ICA1: variants seen among roughly 807,000 people sequenced by gnomAD.
The protein encoded by ICA1 is 69 kDa islet cell autoantigen.
Under a neutral mutation model 71.0 loss-of-function variants are expected in ICA1, and 40 were observed. That is an observed-to-expected ratio of 0.56 (90% confidence interval 0.44 to 0.73). The LOEUF (loss-of-function observed/expected upper bound fraction) is 0.73. ICA1 is among the 30% of genes least tolerant of loss of function. ICA1 has a pLI of 0.00. For missense variants in ICA1, 578 were observed against 576.5 expected (o/e 1.00, Z -0.03); for synonymous variants, 207 against 209.5 (o/e 0.99, Z 0.10).
chr7:8,127,884 G>A lies in ICA1; in HGVS notation c.1319C>T (p.Ala440Val), dbSNP rs778279321. The change falls in exon 13 of 14, where the codon GCC becomes GTC. Residue 440 changes from alanine (A) to valine (V), a missense_variant. By Grantham distance (64) the Ala-to-Val change is moderately conservative. Coordinates refer to ENST00000402384, the MANE Select transcript of ICA1 (RefSeq NM_001136020.3). ...CCCACCTTACCTACCTTGTAGCGAG[G>A]CCTGTAAGTCTTTCATATTTTGGTC... Reference protein sequence around the residue: ...LLDQNMKDLQASLQEPAKAAS... With the variant: ...LLDQNMKDLQVSLQEPAKAAS... The A allele has an allele frequency of 6.2e-7, 1 of 1,613,342 alleles. No individual in the cohort carries two copies. The highest frequency in any genetic ancestry group is 8.5e-7 in the Non-Finnish European group (1 of 1,179,584).
At chr7:8,204,304 T>C (rs910396171) in intron 6 of ICA1, among the ~76,000 whole-genome samples, 2 of 152,232 alleles carry the variant, frequency 1.3e-5, no homozygotes, top group Admixed American at 6.5e-5. Flanking sequence ...GCACTGACTC[T>C]AGAGTCAGAG....
chr7:8,253,051 C>G (rs939387361), intron 1 of ICA1, among the ~76,000 whole-genome samples: 1 of 152,112 alleles, frequency 6.6e-6, no homozygotes, highest in Non-Finnish European at 1.5e-5. Flanking sequence ...AAATATTTTA[C>G]TACTAGAATG....
chr7:8,238,912 A>G (rs2128480664), intron 1 of ICA1, among the ~76,000 whole-genome samples: 1 of 152,328 alleles, frequency 6.6e-6, no homozygotes, highest in East Asian at 1.9e-4. Context: ...CATCTCTGAG[A>G]ATGATTCTGG....
At chr7:8,201,221 T>C (rs1789554432) in intron 6 of ICA1, among the ~76,000 whole-genome samples, 1 of 152,184 alleles carries the variant, frequency 6.6e-6, no homozygotes, top group African/African-American at 2.4e-5. Context: ...AGTTGTACTC[T>C]CCAGCTTCTG....
At position 8,195,977 on chromosome 7, in the gene ICA1, C is replaced by CACA. The variant is rs202049966; in HGVS notation, c.579+22325_579+22327dup. ...TGGGCAACAGAGTGAGGCTCCGTCT[C>CACA]ACAACAACAACAACAACAACAACAC... On this transcript the variant is annotated intron_variant, in intron 6 of 13. Coordinates refer to ENST00000402384, the MANE Select transcript of ICA1 (RefSeq NM_001136020.3). Among the ~76,000 whole-genome samples the CACA allele has an allele frequency of 1.6e-3, 202 of 129,302 alleles. 2 individuals are homozygous for CACA. Among genetic ancestry groups the CACA allele is most frequent in the East Asian group, 6.9e-4 (3 of 4,320 alleles). 84.8% of individuals were successfully genotyped at this position (129,302 alleles called of 152,430 possible). A position where few individuals can be genotyped will look rare whatever the true frequency, so the allele number is the denominator to read the frequency against.
Position 8,138,900 on chromosome 7 carries a change from A to T in ICA1, c.1019-19T>A, listed in dbSNP as rs1794266256. The T allele has an allele frequency of 6.2e-7, 1 of 1,604,060 alleles. No individual in the cohort carries two copies. ...ATGGGTCCTTTAGAGAAGAGGAAAG[A>T]AAACAAAATTATAAGTCAGTTTCAT... On this transcript the variant is annotated intron_variant, in intron 11 of 13. Coordinates refer to ENST00000402384, the MANE Select transcript of ICA1 (RefSeq NM_001136020.3).
chr7:8,145,874 G>A (rs376946636), intron 8 of ICA1, among the ~76,000 whole-genome samples: 8 of 151,664 alleles, frequency 5.3e-5, no homozygotes, highest in African/African-American at 9.7e-5. Flanking sequence ...TAAAAAAGAC[G>A]TTATATACCT....
chr7:8,114,178 A>T, intron 13 of ICA1, 134 bp from the exon 14 acceptor site: 1 of 982,346 alleles, frequency 1.0e-6, no homozygotes, highest in Non-Finnish European at 1.5e-6. Flanking sequence ...ACTCTCTCTG[A>T]CAATAGTTAG....
At position 8,199,355 on chromosome 7, in the gene ICA1, AGATGAATG is replaced by A. The variant is rs557203865; in HGVS notation, c.579+18942_579+18949del. On this transcript the variant is annotated intron_variant, in intron 6 of 13. Coordinates refer to ENST00000402384, the MANE Select transcript of ICA1 (RefSeq NM_001136020.3). ...GGAAGCAACCTAAGTGTCCATCAAT[AGATGAATG>A]GATAAAGAAAATGTGGTACTTATAC... 7.9e-4 allele frequency among the ~76,000 whole-genome samples: 120 copies of A among 152,334 alleles called. 1 individual carries two copies. Among genetic ancestry groups the A allele is most frequent in the African/African-American group, 2.4e-3 (100 of 41,566 alleles).
chr7:8,157,340 C>T (rs1801994640), intron 7 of ICA1, 126 bp from the exon 8 acceptor site: 5 of 963,544 alleles, frequency 5.2e-6, no homozygotes, highest in Non-Finnish European at 7.5e-6. Flanking sequence ...CATTTCCATG[C>T]TTCCCATTAT....
chr7:8,221,548 C>T, intron 4 of ICA1, 150 bp from the exon 5 acceptor site: 2 of 787,810 alleles, frequency 2.5e-6, no homozygotes, highest in Non-Finnish European at 2.0e-6. Flanking sequence ...GTAAGCTCCC[C>T]CTACCCCCCA....
chr7:8,258,135 T>C (rs922072808), intron 1 of ICA1, among the ~76,000 whole-genome samples: 1 of 152,290 alleles, frequency 6.6e-6, no homozygotes, highest in Admixed American at 6.5e-5. Context: ...ACCACCTGTG[T>C]CTCTATCTCC....
chr7:8,233,007 A>G (rs1018892018), intron 2 of ICA1, among the ~76,000 whole-genome samples: 2 of 150,968 alleles, frequency 1.3e-5, no homozygotes, highest in African/African-American at 2.5e-5. Context: ...AACCCTTGAA[A>G]AGAATGTAGA....
chr7:8,250,239 T>C (rs568323475), intron 1 of ICA1, among the ~76,000 whole-genome samples: 2 of 152,340 alleles, frequency 1.3e-5, no homozygotes, highest in Admixed American at 6.5e-5. Flanking sequence ...CAATTTCTTA[T>C]GGAGAGAAGT....
chr7:8,209,884 T>C (rs576642641), intron 6 of ICA1, among the ~76,000 whole-genome samples: 1 of 152,182 alleles, frequency 6.6e-6, no homozygotes, highest in South Asian at 2.1e-4. Flanking sequence ...CAGATTTTAA[T>C]GAGGCTGGAA....
rs148306796 is a variant in ICA1, at chr7:8,169,771, T to G, written c.580-11119A>C. Among the ~76,000 whole-genome samples, 100 of 152,204 alleles carry G rather than the reference T, an allele frequency of 6.6e-4. 2 individuals carry two copies. The East Asian group carries it at 0.018, about 28-fold the overall frequency. ...CATTATCAGACTAAATTTGAAAACA[T>G]TTTCTTTAAGTCTGAACTTGCCTTT... On this transcript the variant is annotated intron_variant, in intron 6 of 13. Coordinates refer to ENST00000402384, the MANE Select transcript of ICA1 (RefSeq NM_001136020.3).
intron 1 of ICA1, among the ~76,000 whole-genome samples, chr7:8,246,156 A>T (rs982134639): frequency 3.3e-5 from 5 of 152,206 alleles, no homozygotes; most frequent in Non-Finnish European, 7.3e-5. Context: ...TTACCTTGGG[A>T]GATAAGCAAA....
chr7:8,121,279 T>TCCATCCATCCATCCAG (rs1554272232), intron 13 of ICA1, among the ~76,000 whole-genome samples: 2 of 152,098 alleles, frequency 1.3e-5, no homozygotes, highest in African/African-American at 4.8e-5. Flanking sequence ...TTGCCTGCCA[T>TCCATCCATCCATCCAG]CCAGCCAGCC....
chr7:8,190,027 C>G (rs3807830), intron 6 of ICA1, among the ~76,000 whole-genome samples: 7,183 of 152,280 alleles, frequency 0.047, 209 homozygotes, highest in Non-Finnish European at 0.063. Flanking sequence ...ATTTTGTACT[C>G]CTGGACCAGA....
Sources: allele counts gnomAD v4.1 joint callset (sites outside exome capture counted in the v4.1 genomes callset), GRCh38; gene constraint gnomAD v4.1.1; transcripts MANE v1.5; gene names NCBI Gene and HGNC (gene_info 2026-07-23, HGNC 2026-07-21).